The following SIK3 variants were observed in gnomAD, a reference collection of about 807,000 sequenced individuals.
SIK3 encodes serine/threonine-protein kinase SIK3.
SIK3 carries 28 observed loss-of-function variants against 144.2 expected under a neutral mutation model. The ratio of observed to expected loss-of-function variants is 0.19; its 90% confidence interval spans 0.14 to 0.27. The LOEUF is 0.27. Among genes scored for constraint, SIK3 ranks in the 10% least tolerant of loss-of-function variants. SIK3 has a pLI of 1.00. For missense variants in SIK3, 1,319 were observed against 1,776.0 expected, an observed-to-expected ratio of 0.74 and a Z score of 4.62; for synonymous variants, 686 against 676.3, an observed-to-expected ratio of 1.01 and a Z score of -0.22.
intron 4 of SIK3, among the ~76,000 whole-genome samples, chr11:116,918,081 T>C (rs889011763): frequency 6.6e-6 from 1 of 152,216 alleles, no homozygotes; most frequent in African/African-American, 2.4e-5. Flanking sequence ...TTTATTTTAA[T>C]GGGCAAATTA....
chr11:116,851,091 A>T (rs1431696847), intron 21 of SIK3, among the ~76,000 whole-genome samples: 1 of 152,246 alleles, frequency 6.6e-6, no homozygotes, highest in Non-Finnish European at 1.5e-5. Context: ...CTAGAATTGG[A>T]GAGAAAAAGG....
intron 1 of SIK3, among the ~76,000 whole-genome samples, chr11:116,964,881 T>C (rs1949471459): frequency 6.9e-6 from 1 of 145,348 alleles, no homozygotes; most frequent in Non-Finnish European, 1.5e-5. Context: ...AAACTCCATC[T>C]CAAAAATAAT....
intron 6 of SIK3, among the ~76,000 whole-genome samples, chr11:116,889,236 T>C (rs1944978785): frequency 6.6e-6 from 1 of 152,208 alleles, no homozygotes; most frequent in Non-Finnish European, 1.5e-5. Flanking sequence ...TATTCTAAAA[T>C]ATAGTTATGT....
intron 21 of SIK3, among the ~76,000 whole-genome samples, chr11:116,853,561 A>C (rs1042059294): frequency 6.6e-6 from 1 of 152,208 alleles, no homozygotes; most frequent in Non-Finnish European, 1.5e-5. Context: ...TGAATCTGTC[A>C]ATGTTGACTC....
intron 1 of SIK3, among the ~76,000 whole-genome samples, chr11:117,023,621 A>AAAAATATATAT (rs754624841): frequency 1.4e-3 from 133 of 95,302 alleles, no homozygotes; most frequent in African/African-American, 5.3e-3. Context: ...AAAAAAAAAA[A>AAAAATATATAT]ATATATATAT....
At chr11:117,061,409 A>G (rs901577168) in intron 1 of SIK3, among the ~76,000 whole-genome samples, 1 of 152,206 alleles carries the variant, frequency 6.6e-6, no homozygotes, top group Non-Finnish European at 1.5e-5. Flanking sequence ...GCTTGGGCTC[A>G]GTCTGGCTCT....
chr11:116,863,932 G>A (rs146923417), intron 15 of SIK3, 114 bp from the exon 16 acceptor site: 9 of 1,064,644 alleles, frequency 8.5e-6, no homozygotes, highest in Non-Finnish European at 1.2e-5. Flanking sequence ...AGGTAGCCCT[G>A]CATATTATGC....
Position 116,859,267 on chromosome 11 carries a change from G to T in SIK3, c.2763C>A (p.His921Gln). ...KQLSADSAEA[H>Q]SLNVNRFSPA... The stretch of plus-strand genomic sequence containing the variant: ...TGGGTGACGTTAGGCGGTCTTACCT[G>T]TGAGCCTCTGCACTGTCAGCACTCA... The change falls in exon 20 of 25, where the codon CAC (histidine) becomes CAA (glutamine). Residue 921 changes from histidine to glutamine, a missense_variant and splice_region_variant. His to Gln is a conservative substitution (Grantham distance 24). This residue lies in a region of SIK3 where 646 missense variants were observed against 763.7 expected (regional missense o/e 0.85). Transcript: ENST00000445177. 6.2e-7 allele frequency: 1 copy of T among 1,600,750 alleles called. No homozygotes were observed. Among genetic ancestry groups the T allele is most frequent in the African/African-American group, 1.3e-5 (1 of 74,818 alleles).
At chr11:116,956,447 C>T (rs78851043) in intron 2 of SIK3, among the ~76,000 whole-genome samples, 2 of 151,910 alleles carry the variant, frequency 1.3e-5, no homozygotes, top group Non-Finnish European at 2.9e-5. Context: ...AGTCTACAAT[C>T]CTATTAGAAT....
At chr11:116,864,041 G>A in intron 15 of SIK3, 1 of 421,730 alleles carries the variant, frequency 2.4e-6, no homozygotes, top group Non-Finnish European at 4.2e-6. Context: ...CCTTCGGTTG[G>A]CTTACTTTCC....
intron 1 of SIK3, among the ~76,000 whole-genome samples, chr11:116,982,092 T>A (rs746910422): frequency 6.6e-6 from 1 of 152,090 alleles, no homozygotes; most frequent in Admixed American, 6.5e-5. Flanking sequence ...ATGCAGGACA[T>A]CTTGGACATC....
intron 6 of SIK3, among the ~76,000 whole-genome samples, chr11:116,881,131 A>C (rs1944524838): frequency 6.6e-6 from 1 of 151,058 alleles, no homozygotes; most frequent in South Asian, 2.1e-4. Flanking sequence ...CTCTAAAAAA[A>C]TAAATAAATA....
intron 1 of SIK3, among the ~76,000 whole-genome samples, chr11:117,007,288 C>G (rs1951083265): frequency 1.3e-5 from 2 of 152,086 alleles, no homozygotes; most frequent in South Asian, 4.1e-4. Context: ...TGATGTGAGA[C>G]AATCGCTTGA....
intron 14 of SIK3, among the ~76,000 whole-genome samples, chr11:116,868,641 A>T (rs1039962325): frequency 3.3e-5 from 5 of 152,196 alleles, no homozygotes; most frequent in African/African-American, 1.2e-4. Context: ...TCGCTTGGTG[A>T]CTATAACTCA....
chr11:116,940,726 C>A (rs1015611059), intron 3 of SIK3, among the ~76,000 whole-genome samples: 1 of 151,106 alleles, frequency 6.6e-6, no homozygotes, highest in Non-Finnish European at 1.5e-5. Flanking sequence ...CACAGACCCA[C>A]CCCCGCCAGC....
intron 1 of SIK3, among the ~76,000 whole-genome samples, chr11:117,059,963 A>G (rs1953719055): frequency 6.6e-6 from 1 of 152,230 alleles, no homozygotes; most frequent in African/African-American, 2.4e-5. Context: ...AAAACTAAAC[A>G]TTCTCTTACT....
intron 1 of SIK3, among the ~76,000 whole-genome samples, chr11:117,090,524 A>C (rs1189665182): frequency 6.6e-6 from 1 of 152,216 alleles, no homozygotes; most frequent in Non-Finnish European, 1.5e-5. Flanking sequence ...TTAGTCATTT[A>C]GTAAGTGAGG....
At chr11:117,072,856 A>G (rs572620861) in intron 1 of SIK3, among the ~76,000 whole-genome samples, 1 of 152,346 alleles carries the variant, frequency 6.6e-6, no homozygotes, top group South Asian at 2.1e-4. Context: ...TATTATCCAA[A>G]AAGTATACAT....
Position 116,922,856 on chromosome 11 carries a change from C to T in SIK3, c.616+4363G>A, listed in dbSNP as rs1003833762. Among the ~76,000 whole-genome samples the T allele has an allele frequency of 4.7e-5, 7 of 148,392 alleles. No individual in the cohort carries two copies. The South Asian group carries it at 6.4e-4, about 13-fold the overall frequency. On this transcript the variant is annotated intron_variant, in intron 4 of 24. Coordinates refer to ENST00000445177, the MANE Select transcript of SIK3 (RefSeq NM_001366686.3). The stretch of plus-strand genomic sequence containing the variant: ...AGTTATTTTGGTACTATAACATATA[C>T]GATTATTTTAAAGATGAGCTGCTTA...
Sources: gnomAD v4.1 joint callset for allele counts (sites outside exome capture counted in the v4.1 genomes callset) on GRCh38, gnomAD v4.1.1 for gene constraint, gnomAD v4.1.1 regional missense constraint, MANE v1.5 for transcripts, NCBI Gene and HGNC (gene_info 2026-07-23, HGNC 2026-07-21) for gene names.